The following IMMP2L variants were observed in gnomAD, a reference collection of about 807,000 sequenced individuals.
The protein encoded by IMMP2L is mitochondrial inner membrane protease subunit 2.
Under a neutral mutation model 19.3 loss-of-function variants are expected in IMMP2L, and 18 were observed. That is an observed-to-expected ratio of 0.93 (90% confidence interval 0.64 to 1.38). The LOEUF (loss-of-function observed/expected upper bound fraction) is 1.38, where lower values mean the gene tolerates loss of function less well. Ranked by LOEUF, IMMP2L falls within the 40% of genes most tolerant of loss-of-function variation. IMMP2L has a pLI of 0.00. For missense variants in IMMP2L, 233 were observed against 218.2 expected (o/e 1.07, Z -0.43); for synonymous variants, 76 against 73.0 (o/e 1.04, Z -0.21).
At chr7:111,236,617 G>A (rs985964599) in intron 3 of IMMP2L, among the ~76,000 whole-genome samples, 9 of 152,086 alleles carry the variant, frequency 5.9e-5, no homozygotes, top group Non-Finnish European at 1.3e-4. Flanking sequence ...GGCTGTACGA[G>A]GACCTTCTGC....
intron 3 of IMMP2L, among the ~76,000 whole-genome samples, chr7:110,998,452 G>T (rs1302286853): frequency 6.6e-6 from 1 of 152,174 alleles, no homozygotes; most frequent in African/African-American, 2.4e-5. Context: ...TGATTCTCTT[G>T]CTATGAAATT....
chr7:110,689,689 C>T (rs1395877878), intron 5 of IMMP2L, among the ~76,000 whole-genome samples: 2 of 152,086 alleles, frequency 1.3e-5, no homozygotes, highest in African/African-American at 4.8e-5. Context: ...AATTGTTATG[C>T]TTGTCTTATC....
intron 3 of IMMP2L, chr7:111,411,933 A>T (rs772174753): frequency 5.9e-6 from 1 of 168,638 alleles, no homozygotes; most frequent in African/African-American, 2.4e-5. Flanking sequence ...AGCTCTCCCA[A>T]CTACAGGTGC....
chr7:111,456,077 C>A (rs1839649281), intron 3 of IMMP2L, among the ~76,000 whole-genome samples: 1 of 151,282 alleles, frequency 6.6e-6, no homozygotes, highest in South Asian at 2.1e-4. Flanking sequence ...AATAGTAACA[C>A]TAGAATAATC....
At chr7:110,998,670 C>T (rs938287807) in intron 3 of IMMP2L, among the ~76,000 whole-genome samples, 2 of 152,236 alleles carry the variant, frequency 1.3e-5, no homozygotes, top group African/African-American at 4.8e-5. Flanking sequence ...AAGTTGGACT[C>T]AACTGGGATT....
At chr7:111,196,728 C>T (rs1809541328) in intron 3 of IMMP2L, among the ~76,000 whole-genome samples, 1 of 152,102 alleles carries the variant, frequency 6.6e-6, no homozygotes, top group Non-Finnish European at 1.5e-5. Context: ...CATAAATAAT[C>T]ATTGTTAATG....
intron 1 of IMMP2L, among the ~76,000 whole-genome samples, chr7:111,524,855 G>A (rs1459631841): frequency 1.3e-5 from 2 of 152,054 alleles, no homozygotes. Flanking sequence ...ATGACTTCCA[G>A]TGGATTTTCT....
chr7:111,425,927 T>G (rs367613544), intron 3 of IMMP2L, among the ~76,000 whole-genome samples: 1 of 151,162 alleles, frequency 6.6e-6, no homozygotes, highest in African/African-American at 2.4e-5. Flanking sequence ...CACAAATACA[T>G]GTCAAAGACC....
chr7:111,186,935 CT>C (rs1365522031), intron 3 of IMMP2L, among the ~76,000 whole-genome samples: 1 of 151,160 alleles, frequency 6.6e-6, no homozygotes, highest in Non-Finnish European at 1.5e-5. Context: ...CTCGTCCTTG[CT>C]TTTTTTAAAA....
At chr7:111,206,461 G>A (rs1192321564) in intron 3 of IMMP2L, among the ~76,000 whole-genome samples, 1 of 151,742 alleles carries the variant, frequency 6.6e-6, no homozygotes, top group African/African-American at 2.4e-5. Flanking sequence ...TTGGTGTATA[G>A]CGACCGAGTA....
intron 2 of IMMP2L, among the ~76,000 whole-genome samples, chr7:111,489,189 G>A (rs959279303): frequency 1.6e-4 from 25 of 151,590 alleles, no homozygotes; most frequent in Non-Finnish European, 2.4e-4. Flanking sequence ...GACTAGAGGC[G>A]CCTGCCATCA....
intron 5 of IMMP2L, among the ~76,000 whole-genome samples, chr7:110,862,553 G>T (rs113593169): frequency 1.3e-5 from 2 of 150,536 alleles, no homozygotes; most frequent in African/African-American, 4.9e-5. Flanking sequence ...AGTGTGTTGC[G>T]CAGGCTGGCC....
chr7:111,380,803 C>T (rs1231319025), intron 3 of IMMP2L, among the ~76,000 whole-genome samples: 3 of 152,000 alleles, frequency 2.0e-5, no homozygotes, highest in Non-Finnish European at 4.4e-5. Flanking sequence ...CATATTGTAT[C>T]ATCAGACATT....
At position 110,808,587 on chromosome 7, in the gene IMMP2L, C is replaced by T. The variant is rs186189690; in HGVS notation, c.408+78006G>A. Among the ~76,000 whole-genome samples the T allele has an allele frequency of 7.9e-5, 12 of 152,112 alleles. No homozygotes were observed. The East Asian group carries it at 1.9e-3, about 25-fold the overall frequency. ...TTGGCTTCTCTTTGAAAAGAAGAAC[C>T]GAAGGTAATCCCTTTGCAGCTGCAG... On this transcript the variant is annotated intron_variant, in intron 5 of 5. Coordinates refer to ENST00000405709, the MANE Select transcript of IMMP2L (RefSeq NM_032549.4).
chr7:111,204,838 ATTAC>A (rs1431598962), intron 3 of IMMP2L, among the ~76,000 whole-genome samples: 2 of 152,236 alleles, frequency 1.3e-5, no homozygotes, highest in African/African-American at 4.8e-5. Context: ...TGATGTAGTC[ATTAC>A]TTAAACATTG....
At chr7:111,380,814 G>A (rs1831126855) in intron 3 of IMMP2L, among the ~76,000 whole-genome samples, 1 of 151,940 alleles carries the variant, frequency 6.6e-6, no homozygotes, top group South Asian at 2.1e-4. Context: ...ATCAGACATT[G>A]TAAAAAGAAA....
At chr7:110,683,938 A>G (rs1054419089) in intron 5 of IMMP2L, among the ~76,000 whole-genome samples, 4 of 152,132 alleles carry the variant, frequency 2.6e-5, no homozygotes, top group Admixed American at 6.5e-5. Context: ...TCAACATTCA[A>G]TCAATAAACA....
At chr7:111,164,655 T>C (rs998401006) in intron 3 of IMMP2L, among the ~76,000 whole-genome samples, 20 of 152,016 alleles carry the variant, frequency 1.3e-4, no homozygotes, top group African/African-American at 4.6e-4. Context: ...TTTAAATCTA[T>C]GAACTTTACT....
intron 5 of IMMP2L, among the ~76,000 whole-genome samples, chr7:110,788,432 T>C (rs1425362660): frequency 6.6e-6 from 1 of 151,826 alleles, no homozygotes; most frequent in Non-Finnish European, 1.5e-5. Flanking sequence ...CACTGGCTAC[T>C]TATCTCAGTC....
Sources: gnomAD v4.1 joint callset for allele counts (sites outside exome capture counted in the v4.1 genomes callset) on GRCh38, gnomAD v4.1.1 for gene constraint, MANE v1.5 for transcripts, NCBI Gene and HGNC (gene_info 2026-07-23, HGNC 2026-07-21) for gene names.